SMIM13: variants seen among roughly 807,000 people sequenced by gnomAD.
SMIM13 encodes small integral membrane protein 13, also known as UPF0766 protein C6orf228.
SMIM13 carries 3 observed loss-of-function variants against 5.9 expected under a neutral mutation model. The observed-to-expected ratio is 0.51, with a 90% confidence interval of 0.23 to 1.31. The LOEUF (loss-of-function observed/expected upper bound fraction) is 1.31. Ranked by LOEUF, SMIM13 falls within the 40% of genes most tolerant of loss-of-function variation. SMIM13 has a pLI of 0.18. For missense variants in SMIM13, 85 were observed against 109.9 expected, an observed-to-expected ratio of 0.77 and a Z score of 1.01; for synonymous variants, 55 against 46.0, an observed-to-expected ratio of 1.19 and a Z score of -0.79.
chr6:11,128,730 G>C (rs931063469), intron 1 of SMIM13, among the ~76,000 whole-genome samples: 1 of 152,074 alleles, frequency 6.6e-6, no homozygotes, highest in Admixed American at 6.6e-5. Context: ...ATTTCCCTAT[G>C]GTTAGGACTG....
rs1758523886 is a variant in SMIM13, at chr6:11,136,892, T to G, written c.*2290T>G. On this transcript the variant is annotated 3_prime_UTR_variant, in exon 2 of 2. Transcript: ENST00000416247. The stretch of plus-strand genomic sequence containing the variant: ...CTGGGAGGATATTTAAATTAGATTT[T>G]TCATAGTCTATTGTTTTGAACTATG... 2 of 152,092 alleles carry G rather than the reference T, an allele frequency of 1.3e-5. No homozygotes were observed. Among genetic ancestry groups the G allele is most frequent in the Non-Finnish European group, 2.9e-5 (2 of 67,996 alleles). 9.4% of individuals were successfully genotyped at this position (152,092 alleles called of 1,614,324 possible).
At chr6:11,109,129 G>A (rs1303078999) in intron 1 of SMIM13, among the ~76,000 whole-genome samples, 1 of 152,244 alleles carries the variant, frequency 6.6e-6, no homozygotes, top group Admixed American at 6.5e-5. Context: ...TTTGCAAATT[G>A]TTGGACCGCC....
intron 1 of SMIM13, among the ~76,000 whole-genome samples, chr6:11,113,562 T>G (rs1758197929): frequency 2.0e-5 from 3 of 152,200 alleles, no homozygotes; most frequent in Admixed American, 6.5e-5. Context: ...TTTCTTCTAT[T>G]CTGTAGCTTG....
Position 11,134,450 on chromosome 6 carries a change from C to T in SMIM13, c.124C>T (p.Arg42Trp), listed in dbSNP as rs1387235329. The T allele has an allele frequency of 1.8e-5, 28 of 1,550,714 alleles. No homozygotes were observed. The highest frequency in any genetic ancestry group is 2.0e-5 in the Admixed American group (1 of 50,876). ...HLFLSKFKFL[R>W]ELVGDTGSQE... The stretch of plus-strand genomic sequence containing the variant: ...TTTTTTATCAAAATTCAAGTTTCTC[C>T]GGGAACTGGTGGGAGACACAGGATC... Residue 42 changes from arginine to tryptophan, a missense_variant, in exon 2 of 2, where the codon CGG (arginine) becomes TGG (tryptophan). By Grantham distance (101) the Arg-to-Trp change is moderately radical (BLOSUM62 -3). Transcript: ENST00000416247.
chr6:11,126,691 AT>A (rs140774460), intron 1 of SMIM13, among the ~76,000 whole-genome samples: 21,957 of 151,884 alleles, frequency 0.14, 1,746 homozygotes, highest in Non-Finnish European at 0.18. Context: ...CTGGATGTTT[AT>A]TGGTGTCTGG....
chr6:11,104,215 C>T (rs1174006575), intron 1 of SMIM13: 1 of 1,551,638 alleles, frequency 6.4e-7, no homozygotes, highest in Admixed American at 2.0e-5. Context: ...GTTCCCGTAC[C>T]AGCTAGAATG....
chr6:11,114,934 G>A (rs1758218240), intron 1 of SMIM13, among the ~76,000 whole-genome samples: 1 of 152,010 alleles, frequency 6.6e-6, no homozygotes, highest in South Asian at 2.1e-4. Context: ...TAATATGGTG[G>A]ATTTTGTTGC....
chr6:11,130,071 C>T (rs1758432140), intron 1 of SMIM13, among the ~76,000 whole-genome samples: 1 of 151,958 alleles, frequency 6.6e-6, no homozygotes. Flanking sequence ...ATGGAAACAC[C>T]CTGTCTTCCT....
intron 1 of SMIM13, among the ~76,000 whole-genome samples, chr6:11,132,041 C>G (rs1343083068): frequency 6.6e-6 from 1 of 152,030 alleles, no homozygotes; most frequent in Non-Finnish European, 1.5e-5. Context: ...CATCTAATAG[C>G]TAGAATATAC....
At chr6:11,126,587 C>T (rs944255070) in intron 1 of SMIM13, among the ~76,000 whole-genome samples, 3 of 152,204 alleles carry the variant, frequency 2.0e-5, no homozygotes, top group Non-Finnish European at 4.4e-5. Context: ...TTTGAATCCT[C>T]TCTCTGAAAG....
intron 1 of SMIM13, chr6:11,103,903 A>C (rs1378761971): frequency 9.7e-6 from 15 of 1,551,570 alleles, no homozygotes; most frequent in Non-Finnish European, 1.3e-5. Context: ...CAATTTAACC[A>C]ACCCTGAGTG....
At chr6:11,099,473 C>T (rs1757965221) in intron 1 of SMIM13, among the ~76,000 whole-genome samples, 1 of 152,120 alleles carries the variant, frequency 6.6e-6, no homozygotes, top group Non-Finnish European at 1.5e-5. Context: ...GTGCCTGGCC[C>T]ATACTACATG....
chr6:11,119,640 C>T (rs930398082), intron 1 of SMIM13, among the ~76,000 whole-genome samples: 5 of 149,204 alleles, frequency 3.4e-5, no homozygotes, highest in East Asian at 1.9e-4. Flanking sequence ...GACGACAGAG[C>T]GAGACTCCAT....
At chr6:11,132,449 T>C (rs1364524898) in intron 1 of SMIM13, among the ~76,000 whole-genome samples, 1 of 152,176 alleles carries the variant, frequency 6.6e-6, no homozygotes, top group African/African-American at 2.4e-5. Flanking sequence ...ATGGAGAAAC[T>C]TGTACACAAA....
intron 1 of SMIM13, among the ~76,000 whole-genome samples, chr6:11,130,306 T>A (rs1208919098): frequency 6.6e-6 from 1 of 152,110 alleles, no homozygotes; most frequent in Non-Finnish European, 1.5e-5. Context: ...TTATTCTTTT[T>A]GGCTGCCCAG....
chr6:11,108,522 A>G (rs9380094), intron 1 of SMIM13, among the ~76,000 whole-genome samples: 117,425 of 152,066 alleles, frequency 0.77, 46,106 homozygotes, highest in African/African-American at 0.91. Context: ...TGTCCCCATC[A>G]GTTTGGGCAC....
chr6:11,099,941 A>G (rs1581909358), intron 1 of SMIM13, among the ~76,000 whole-genome samples: 1 of 152,160 alleles, frequency 6.6e-6, no homozygotes, highest in Non-Finnish European at 1.5e-5. Context: ...TGCTGGTTAA[A>G]TAGTGTAATA....
intron 1 of SMIM13, among the ~76,000 whole-genome samples, chr6:11,122,185 C>T (rs1758320995): frequency 6.6e-6 from 1 of 152,160 alleles, no homozygotes. Context: ...AGCACAATCC[C>T]TGGAGATTGA....
chr6:11,097,049 G>A (rs1191669712), intron 1 of SMIM13, among the ~76,000 whole-genome samples: 1 of 152,134 alleles, frequency 6.6e-6, no homozygotes, highest in African/African-American at 2.4e-5. Context: ...TGTTGGTCAG[G>A]CTGATCTCGA....
Sources: gnomAD v4.1 joint callset for allele counts (sites outside exome capture counted in the v4.1 genomes callset) on GRCh38, gnomAD v4.1.1 for gene constraint, MANE v1.5 for transcripts, NCBI Gene and HGNC (gene_info 2026-07-23, HGNC 2026-07-21) for gene names.